RAB44: variants seen among roughly 807,000 people sequenced by gnomAD.
RAB44 encodes ras-related protein Rab-44.
RAB44 carries 67 observed loss-of-function variants against 93.3 expected under a neutral mutation model. That is an observed-to-expected ratio of 0.72 (90% confidence interval 0.59 to 0.88). RAB44 has a LOEUF of 0.88. Ranked by LOEUF, RAB44 falls within the 40% of genes least tolerant of loss-of-function variation. The pLI, the probability that RAB44 is intolerant of heterozygous loss-of-function variation, is 0.00. For synonymous variants in RAB44, 427 were observed against 520.3 expected (o/e 0.82, Z 2.44); for missense variants, 1,064 against 1,261.7 (o/e 0.84, Z 2.37).
intron 12 of RAB44, among the ~76,000 whole-genome samples, chr6:36,729,235 A>G (rs1763305186): frequency 6.6e-6 from 1 of 152,198 alleles, no homozygotes; most frequent in South Asian, 2.1e-4. Context: ...CTCCCTTGGG[A>G]TGATTACATC....
intron 2 of RAB44, among the ~76,000 whole-genome samples, chr6:36,704,917 C>T (rs571028489): frequency 2.6e-5 from 4 of 152,004 alleles, no homozygotes; most frequent in South Asian, 4.2e-4. Context: ...GTCAGGAGTT[C>T]GAGACCAGCC....
At chr6:36,712,494 A>T (rs954160211) in intron 2 of RAB44, among the ~76,000 whole-genome samples, 1 of 152,062 alleles carries the variant, frequency 6.6e-6, no homozygotes, top group Non-Finnish European at 1.5e-5. Flanking sequence ...CCTCCTGAGT[A>T]GCTGGGATTA....
intron 9 of RAB44, 45 bp downstream of exon 9, chr6:36,722,778 G>C: frequency 6.5e-7 from 1 of 1,546,820 alleles, no homozygotes; most frequent in African/African-American, 1.4e-5. Flanking sequence ...AGAGACGCAG[G>C]GGCCAGGGCC....
intron 2 of RAB44, among the ~76,000 whole-genome samples, chr6:36,710,564 T>C (rs1211371035): frequency 6.6e-6 from 1 of 151,418 alleles, no homozygotes; most frequent in African/African-American, 2.4e-5. Context: ...TTTTTTTTAA[T>C]TGAGATGGAG....
At chr6:36,727,892 C>T (rs550074909) in intron 11 of RAB44, among the ~76,000 whole-genome samples, 1 of 152,350 alleles carries the variant, frequency 6.6e-6, no homozygotes, top group South Asian at 2.1e-4. Context: ...AGACTTCAAA[C>T]CAAACTACTT....
intron 1 of RAB44, among the ~76,000 whole-genome samples, chr6:36,699,489 C>T (rs1013983197): frequency 6.6e-6 from 1 of 152,158 alleles, no homozygotes; most frequent in Non-Finnish European, 1.5e-5. Context: ...GCTCCATTGC[C>T]GGAAGTACAT....
At chr6:36,707,330 C>T (rs1762673666) in intron 2 of RAB44, among the ~76,000 whole-genome samples, 1 of 151,316 alleles carries the variant, frequency 6.6e-6, no homozygotes, top group Non-Finnish European at 1.5e-5. Flanking sequence ...GCACTCCAGC[C>T]TGGGTGACAG....
chr6:36,725,258 C>T (rs1402526402), intron 9 of RAB44, among the ~76,000 whole-genome samples: 1 of 152,212 alleles, frequency 6.6e-6, no homozygotes, highest in East Asian at 1.9e-4. Flanking sequence ...TCATTGTAAC[C>T]TCCGCCTCCC....
At chr6:36,703,396 C>T (rs1463858533) in intron 1 of RAB44, among the ~76,000 whole-genome samples, 1 of 152,134 alleles carries the variant, frequency 6.6e-6, no homozygotes, top group Non-Finnish European at 1.5e-5. Context: ...AGCTTGAATG[C>T]AGGGGTGACT....
intron 7 of RAB44, 70 bp downstream of exon 7, chr6:36,718,658 A>T: frequency 1.4e-6 from 1 of 723,878 alleles, no homozygotes; most frequent in Non-Finnish European, 1.9e-6. Flanking sequence ...TCAGTTTCCT[A>T]TCAGAGACAT....
In RAB44 at chr6:36,721,503, G is replaced by T; in HGVS notation, c.1369G>T (p.Ala457Ser). 1 of 1,234,582 alleles carries T rather than the reference G, an allele frequency of 8.1e-7. No individual in the cohort carries two copies. The highest frequency in any genetic ancestry group is 1.0e-6 in the Non-Finnish European group (1 of 988,354). The allele number at this position is 1,234,582 out of a possible 1,614,324, so 76.5% of individuals were successfully genotyped here. A position where few individuals can be genotyped will look rare whatever the true frequency, so the allele number is the denominator to read the frequency against. ...GVDPHEQDIR[A>S]EQPVEPHDPD... ...GGACCCACATGAGCAGGACATTAGA[G>T]CAGAGCAGCCTGTTGAACCGCACGA... The change falls in exon 9 of 14, where the codon GCA (alanine) becomes TCA (serine). Residue 457 changes from alanine (A) to serine (S), a missense_variant. Transcript: ENST00000612677.
chr6:36,721,004 A>C (rs1426108364), intron 8 of RAB44, 147 bp from the exon 9 acceptor site: 3 of 671,162 alleles, frequency 4.5e-6, no homozygotes, highest in South Asian at 8.0e-5. Flanking sequence ...TGGGGAGCAC[A>C]TACCAGGTGA....
At chr6:36,701,152 T>C (rs1334220518) in intron 1 of RAB44, among the ~76,000 whole-genome samples, 1 of 152,216 alleles carries the variant, frequency 6.6e-6, no homozygotes, top group Admixed American at 6.5e-5. Flanking sequence ...CTCTGTTGCC[T>C]AGGCTAGAGT....
chr6:36,718,701 T>C (rs889755006), intron 7 of RAB44, 113 bp downstream of exon 7: 13 of 478,582 alleles, frequency 2.7e-5, no homozygotes, highest in African/African-American at 1.8e-4. Flanking sequence ...GAAGGTACTG[T>C]GATGATTAGA....
In RAB44 at chr6:36,721,141, T is replaced by C; in HGVS notation, c.1017-10T>C. The C allele has an allele frequency of 8.1e-7, 1 of 1,234,016 alleles. No homozygotes were observed. Among genetic ancestry groups the C allele is most frequent in the Non-Finnish European group, 1.0e-6 (1 of 988,068 alleles). 76.4% of individuals were successfully genotyped at this position (1,234,016 alleles called of 1,614,324 possible). A position where few individuals can be genotyped will look rare whatever the true frequency, so the allele number is the denominator to read the frequency against. ...CCTCCCCGATCTTTGCTTCCCTGCT[T>C]CATTTCCAGTTTTCCTGGAGCGGGT... On this transcript the variant is annotated splice_polypyrimidine_tract_variant and intron_variant, in intron 8 of 13. Coordinates refer to ENST00000612677, the MANE Select transcript of RAB44 (RefSeq NM_001257357.2).
chr6:36,714,559 G>C (rs1275864432), intron 3 of RAB44, among the ~76,000 whole-genome samples: 1 of 152,254 alleles, frequency 6.6e-6, no homozygotes. Context: ...CAGCAGAGAA[G>C]GGGGCCAGGA....
intron 7 of RAB44, among the ~76,000 whole-genome samples, chr6:36,719,299 A>G (rs1023374252): frequency 6.6e-6 from 1 of 152,192 alleles, no homozygotes; most frequent in Non-Finnish European, 1.5e-5. Context: ...CCCTGTTACC[A>G]GGTTGATTTC....
At chr6:36,724,979 A>G (rs1035427798) in intron 9 of RAB44, among the ~76,000 whole-genome samples, 1 of 152,180 alleles carries the variant, frequency 6.6e-6, no homozygotes, top group African/African-American at 2.4e-5. Context: ...ACGGAGTTAT[A>G]TTTGAATGTA....
At chr6:36,720,820 C>T (rs1426831548) in intron 8 of RAB44, among the ~76,000 whole-genome samples, 1 of 152,202 alleles carries the variant, frequency 6.6e-6, no homozygotes, top group East Asian at 1.9e-4. Context: ...CATACACACA[C>T]ACATACACAC....
Sources: gnomAD v4.1 joint callset for allele counts (sites outside exome capture counted in the v4.1 genomes callset) on GRCh38, gnomAD v4.1.1 for gene constraint, MANE v1.5 for transcripts, NCBI Gene and HGNC (gene_info 2026-07-23, HGNC 2026-07-21) for gene names.